The following EYS variants were observed in gnomAD, a reference collection of about 807,000 sequenced individuals.
The protein encoded by EYS is protein eyes shut homolog.
In EYS, 250 loss-of-function variants were observed where a neutral mutation model predicts 282.1. That is an observed-to-expected ratio of 0.89 (90% CI 0.80 to 0.98). EYS has a LOEUF of 0.98. Ranked by LOEUF, EYS falls within the 50% of genes least tolerant of loss-of-function variation. The pLI is 0.00. For missense variants in EYS, 4,016 were observed against 3,709.0 expected, an observed-to-expected ratio of 1.08 and a Z score of -2.15; for synonymous variants, 1,355 against 1,282.9, an observed-to-expected ratio of 1.06 and a Z score of -1.20.
chr6:64,906,655 A>T (rs1191157886), intron 16 of EYS, among the ~76,000 whole-genome samples: 1 of 152,210 alleles, frequency 6.6e-6, no homozygotes, highest in Non-Finnish European at 1.5e-5. Flanking sequence ...CATGTAAATG[A>T]TCTGATTCTG....
intron 19 of EYS, among the ~76,000 whole-genome samples, chr6:64,834,155 G>A (rs975938580): frequency 6.6e-6 from 1 of 151,804 alleles, no homozygotes; most frequent in African/African-American, 2.4e-5. Context: ...CAAGCTGTGA[G>A]CCAGAACACT....
At chr6:64,105,854 A>G (rs1772991585) in intron 31 of EYS, among the ~76,000 whole-genome samples, 1 of 152,150 alleles carries the variant, frequency 6.6e-6, no homozygotes, top group Non-Finnish European at 1.5e-5. Context: ...CTTTATCTGC[A>G]ATGAATAGAG....
chr6:63,877,981 A>C (rs1316613985), intron 35 of EYS, among the ~76,000 whole-genome samples: 3 of 152,190 alleles, frequency 2.0e-5, no homozygotes, highest in Non-Finnish European at 4.4e-5. Flanking sequence ...TCAACTCGTC[A>C]AAATAATTCT....
intron 1 of EYS, among the ~76,000 whole-genome samples, chr6:65,697,024 T>A (rs556450351): frequency 9.9e-5 from 15 of 152,126 alleles, no homozygotes; most frequent in African/African-American, 3.6e-4. Flanking sequence ...GTTAAAAAAT[T>A]CAAACTGCAG....
chr6:63,998,510 A>C (rs1033588696), intron 34 of EYS, among the ~76,000 whole-genome samples: 2 of 152,224 alleles, frequency 1.3e-5, no homozygotes, highest in African/African-American at 4.8e-5. Context: ...AATTTTTATC[A>C]TGAATGTATT....
At chr6:64,576,681 T>C (rs1346372677) in intron 26 of EYS, among the ~76,000 whole-genome samples, 1 of 152,072 alleles carries the variant, frequency 6.6e-6, no homozygotes, top group Non-Finnish European at 1.5e-5. Context: ...AATAATTTTA[T>C]TTAAAAATAG....
intron 2 of EYS, among the ~76,000 whole-genome samples, chr6:65,510,673 T>A (rs965142396): frequency 1.3e-5 from 2 of 152,204 alleles, no homozygotes; most frequent in Admixed American, 6.6e-5. Context: ...ATTTTTGGTA[T>A]GTTTTTCTCC....
chr6:64,292,974 T>C (rs1922960), intron 30 of EYS, among the ~76,000 whole-genome samples: 104,271 of 151,894 alleles, frequency 0.69, 35,809 homozygotes, highest in South Asian at 0.71. Context: ...CCAGTGTCGT[T>C]GTTCTTCTTT....
At chr6:64,622,164 G>T (rs763790513) in intron 23 of EYS, among the ~76,000 whole-genome samples, 1 of 152,066 alleles carries the variant, frequency 6.6e-6, no homozygotes. Context: ...GATGAGTGAG[G>T]TCTGAAATCT....
chr6:64,411,716 C>T (rs927733900), intron 28 of EYS, among the ~76,000 whole-genome samples: 1 of 151,850 alleles, frequency 6.6e-6, no homozygotes, highest in Non-Finnish European at 1.5e-5. Context: ...GGTGTGGTGG[C>T]TTGCACTTGT....
chr6:63,838,375 A>T (rs1438349218), intron 36 of EYS, among the ~76,000 whole-genome samples: 1 of 152,134 alleles, frequency 6.6e-6, no homozygotes, highest in Non-Finnish European at 1.5e-5. Context: ...ACGTTTGCTA[A>T]AGCCAAAGAT....
chr6:64,249,063 C>CCAAAA (rs556152806), intron 30 of EYS, among the ~76,000 whole-genome samples: 11 of 70,060 alleles, frequency 1.6e-4, no homozygotes, highest in African/African-American at 7.0e-4. Context: ...CACCCTGTCT[C>CCAAAA]AAAAAAAAAA....
At chr6:64,177,015 C>T (rs1004941184) in intron 31 of EYS, among the ~76,000 whole-genome samples, 1 of 134,556 alleles carries the variant, frequency 7.4e-6, no homozygotes, top group African/African-American at 2.8e-5. Flanking sequence ...TTGTTGCTAT[C>T]AATGATATTT....
intron 5 of EYS, among the ~76,000 whole-genome samples, chr6:65,483,734 G>A (rs1765684276): frequency 6.6e-6 from 1 of 152,050 alleles, no homozygotes; most frequent in Non-Finnish European, 1.5e-5. Context: ...ACATACCTGA[G>A]AATGGGCAAT....
chr6:64,830,121 T>C (rs1414465407), intron 19 of EYS, among the ~76,000 whole-genome samples: 1 of 151,966 alleles, frequency 6.6e-6, no homozygotes, highest in East Asian at 1.9e-4. Flanking sequence ...ATTAGTGCCC[T>C]TATAAAATAG....
intron 12 of EYS, among the ~76,000 whole-genome samples, chr6:65,269,634 A>G (rs983125649): frequency 6.6e-6 from 1 of 152,154 alleles, no homozygotes; most frequent in Non-Finnish European, 1.5e-5. Context: ...GGTGGCCTAT[A>G]CACAACAGAA....
At chr6:65,263,146 G>A (rs996979677) in intron 12 of EYS, among the ~76,000 whole-genome samples, 1 of 152,010 alleles carries the variant, frequency 6.6e-6, no homozygotes, top group African/African-American at 2.4e-5. Context: ...TTCCAGACCA[G>A]CCTGAGGAAC....
intron 31 of EYS, among the ~76,000 whole-genome samples, chr6:64,207,807 G>T (rs1395681415): frequency 6.6e-6 from 1 of 152,026 alleles, no homozygotes; most frequent in African/African-American, 2.4e-5. Context: ...ACAGGCATGT[G>T]CCACCACACC....
chr6:64,234,426 C>A (rs1398686242), intron 30 of EYS, among the ~76,000 whole-genome samples: 1 of 135,650 alleles, frequency 7.4e-6, no homozygotes, highest in Non-Finnish European at 1.6e-5. Flanking sequence ...TTAAAATCTG[C>A]AGAGTGTTTT....
Sources: gnomAD v4.1 joint callset for allele counts (sites outside exome capture counted in the v4.1 genomes callset) on GRCh38, gnomAD v4.1.1 for gene constraint, MANE v1.5 for transcripts, NCBI Gene and HGNC (gene_info 2026-07-23, HGNC 2026-07-21) for gene names.